CATSPERE: variants seen among roughly 807,000 people sequenced by gnomAD.
CATSPERE encodes the protein cation channel sperm-associated auxiliary subunit epsilon.
Under a neutral mutation model 114.1 loss-of-function variants are expected in CATSPERE, and 93 were observed. That is an observed-to-expected ratio of 0.81 (90% CI 0.69 to 0.97). The LOEUF is 0.97. Among genes scored for constraint, CATSPERE ranks in the 50% least tolerant of loss-of-function variants. The pLI is 0.00. For synonymous variants in CATSPERE, 341 were observed against 384.1 expected (o/e 0.89, Z 1.31); for missense variants, 1,058 against 1,131.6 (o/e 0.93, Z 0.93).
intron 2 of CATSPERE, among the ~76,000 whole-genome samples, chr1:244,465,156 C>T (rs1667420622): frequency 6.6e-6 from 1 of 151,980 alleles, no homozygotes; most frequent in South Asian, 2.1e-4. Flanking sequence ...CTGCCTCAGC[C>T]TCCTGAGTAG....
In CATSPERE at chr1:244,560,728, ATTC is replaced by A; in HGVS notation, c.1096_1098del (p.Leu366del). ...AGAAAATGAAATTTACCTCGGATCC[ATTC>A]TTCTTAAGTTTGCCAGATTAGTAAC... On this transcript the variant is annotated inframe_deletion, in exon 10 of 22. Coordinates refer to ENST00000366534, the MANE Select transcript of CATSPERE (RefSeq NM_001130957.2). 6.2e-7 allele frequency: 1 copy of A among 1,614,000 alleles called. No individual in the cohort carries two copies. Among genetic ancestry groups the A allele is most frequent in the Non-Finnish European group, 8.5e-7 (1 of 1,179,972 alleles).
intron 11 of CATSPERE, among the ~76,000 whole-genome samples, chr1:244,580,299 C>T (rs975344812): frequency 4.1e-5 from 6 of 147,722 alleles, no homozygotes; most frequent in East Asian, 4.0e-4. Flanking sequence ...GTGATCTCTT[C>T]GATAGGGCAC....
At position 244,574,636 on chromosome 1, in the gene CATSPERE, G is replaced by A. The variant is rs147748455; in HGVS notation, c.1950+1864G>A. On this transcript the variant is annotated intron_variant, in intron 11 of 21. Transcript: ENST00000366534. Reference sequence around the variant, plus strand: ...AATGCTAGAGTAAAATGGATAGCCAGTTGAACTAGAGCACAAATACTGCTC... The same window carrying A: ...AATGCTAGAGTAAAATGGATAGCCAATTGAACTAGAGCACAAATACTGCTC... Among the ~76,000 whole-genome samples the A allele has an allele frequency of 2.5e-3, 383 of 152,244 alleles. 3 individuals carry two copies. Among genetic ancestry groups the A allele is most frequent in the African/African-American group, 8.6e-3 (358 of 41,534 alleles).
At chr1:244,506,828 C>T (rs929838967) in intron 7 of CATSPERE, among the ~76,000 whole-genome samples, 3 of 152,012 alleles carry the variant, frequency 2.0e-5, no homozygotes, top group South Asian at 2.1e-4. Context: ...TTAAGCTTCA[C>T]CCTACTATGC....
intron 8 of CATSPERE, among the ~76,000 whole-genome samples, chr1:244,531,081 T>TA (rs201300434): frequency 2.5e-5 from 3 of 118,168 alleles, no homozygotes; most frequent in South Asian, 2.4e-4. Context: ...TAAAAAAAAT[T>TA]TAAAAAAAGC....
chr1:244,509,341 GT>G (rs1037635238), intron 7 of CATSPERE, among the ~76,000 whole-genome samples: 21 of 151,964 alleles, frequency 1.4e-4, no homozygotes, highest in African/African-American at 4.3e-4. Context: ...CAATCATATG[GT>G]TTTTGTTCTT....
chr1:244,559,267 A>G (rs1293752325), intron 9 of CATSPERE, among the ~76,000 whole-genome samples: 1 of 152,230 alleles, frequency 6.6e-6, no homozygotes, highest in Non-Finnish European at 1.5e-5. Flanking sequence ...AATTGTTTCC[A>G]GCAACATAAG....
chr1:244,543,081 A>G (rs907815518), intron 8 of CATSPERE, among the ~76,000 whole-genome samples: 3 of 152,172 alleles, frequency 2.0e-5, no homozygotes, highest in Non-Finnish European at 4.4e-5. Flanking sequence ...TCAAAATAGA[A>G]TTACCAGCAA....
intron 10 of CATSPERE, among the ~76,000 whole-genome samples, chr1:244,563,744 A>G (rs901239848): frequency 6.6e-6 from 1 of 152,184 alleles, no homozygotes; most frequent in Non-Finnish European, 1.5e-5. Flanking sequence ...TTTGCTGTGC[A>G]GAAGCTCTTT....
intron 21 of CATSPERE, chr1:244,636,488 C>T (rs1244062791): frequency 6.6e-6 from 1 of 152,120 alleles, no homozygotes; most frequent in Non-Finnish European, 1.5e-5. Flanking sequence ...CATGCAGAAC[C>T]TTTTCCTAGT....
intron 9 of CATSPERE, among the ~76,000 whole-genome samples, chr1:244,553,600 A>AAAACACACACACAC (rs1553356088): frequency 9.2e-5 from 3 of 32,594 alleles, no homozygotes; most frequent in Non-Finnish European, 1.2e-4. Flanking sequence ...AAAAAAAAAA[A>AAAACACACACACAC]ATACACACAC....
At chr1:244,536,938 T>A (rs1056394163) in intron 8 of CATSPERE, among the ~76,000 whole-genome samples, 1 of 4,622 alleles carries the variant, frequency 2.2e-4, no homozygotes, top group Non-Finnish European at 2.7e-3. Context: ...TCCAGGAGTT[T>A]TTTTTTTTTC....
At chr1:244,602,012 G>A (rs1421850183) in intron 17 of CATSPERE, among the ~76,000 whole-genome samples, 1 of 151,786 alleles carries the variant, frequency 6.6e-6, no homozygotes, top group African/African-American at 2.4e-5. Flanking sequence ...GGAAGGGGAA[G>A]GAAGGAGGAA....
At chr1:244,542,737 T>C (rs541141685) in intron 8 of CATSPERE, among the ~76,000 whole-genome samples, 5 of 152,274 alleles carry the variant, frequency 3.3e-5, no homozygotes, top group African/African-American at 1.2e-4. Context: ...GCTCAGCCAA[T>C]GCATATGTGT....
At chr1:244,604,118 T>C (rs1279697536) in intron 17 of CATSPERE, among the ~76,000 whole-genome samples, 3 of 152,240 alleles carry the variant, frequency 2.0e-5, no homozygotes, top group African/African-American at 4.8e-5. Context: ...TCTGAAACTA[T>C]ACAAAAATAC....
At chr1:244,477,183 A>T (rs996506003) in intron 2 of CATSPERE, among the ~76,000 whole-genome samples, 4 of 152,094 alleles carry the variant, frequency 2.6e-5, no homozygotes, top group African/African-American at 9.7e-5. Flanking sequence ...TTTAGTAGAG[A>T]CAGGGTTTCA....
intron 20 of CATSPERE, among the ~76,000 whole-genome samples, chr1:244,627,969 T>A (rs1673418631): frequency 6.6e-6 from 1 of 152,248 alleles, no homozygotes; most frequent in East Asian, 1.9e-4. Flanking sequence ...CAGTGCTATG[T>A]GCATAACCTG....
At position 244,573,939 on chromosome 1, in the gene CATSPERE, T is replaced by A. The variant is rs1049087308; in HGVS notation, c.1950+1167T>A. On this transcript the variant is annotated intron_variant, in intron 11 of 21. Coordinates refer to ENST00000366534, the MANE Select transcript of CATSPERE (RefSeq NM_001130957.2). This position sits in a 1 kb window ranked among gnomAD's most constrained non-coding sequence, Gnocchi z 4.0. ...AAAAAAACAGCATTTAGACAAAAAATTTTCTTAGCAAGGCAGTTTTAGTTT... is the reference window on the plus strand; with the variant it reads ...AAAAAAACAGCATTTAGACAAAAAAATTTCTTAGCAAGGCAGTTTTAGTTT... Among the ~76,000 whole-genome samples, 20 of 152,148 alleles carry A rather than the reference T, an allele frequency of 1.3e-4. No individual in the cohort carries two copies. The highest frequency in any genetic ancestry group is 4.3e-4 in the African/African-American group (18 of 41,426).
At chr1:244,614,724 G>A (rs1204516113) in intron 19 of CATSPERE, among the ~76,000 whole-genome samples, 1 of 152,028 alleles carries the variant, frequency 6.6e-6, no homozygotes, top group Admixed American at 6.6e-5. Context: ...AGTCAGACTG[G>A]GTTTTTGGCT....
Sources: allele counts gnomAD v4.1 joint callset (sites outside exome capture counted in the v4.1 genomes callset), GRCh38; gene constraint gnomAD v4.1.1; non-coding constraint Gnocchi (gnomAD v3.1); transcripts MANE v1.5; gene names NCBI Gene and HGNC (gene_info 2026-07-23, HGNC 2026-07-21).